The following GALNTL6 variants were observed in gnomAD, a reference collection of about 807,000 sequenced individuals.
GALNTL6 encodes polypeptide N-acetylgalactosaminyltransferase-like 6.
GALNTL6 carries 46 observed loss-of-function variants against 73.7 expected under a neutral mutation model. That is an observed-to-expected ratio of 0.62 (90% CI 0.49 to 0.80). The LOEUF (loss-of-function observed/expected upper bound fraction) is 0.80. Ranked by LOEUF, GALNTL6 falls within the 30% of genes least tolerant of loss-of-function variation. The pLI, the probability that GALNTL6 is intolerant of heterozygous loss-of-function variation, is 0.00. For synonymous variants in GALNTL6, 259 were observed against 263.7 expected (o/e 0.98, Z 0.17); for missense variants, 604 against 755.0 (o/e 0.80, Z 2.34).
At chr4:172,897,325 C>G (rs1326605373) in intron 8 of GALNTL6, among the ~76,000 whole-genome samples, 3 of 152,146 alleles carry the variant, frequency 2.0e-5, no homozygotes, top group Admixed American at 6.5e-5. Flanking sequence ...ACTGGAGAGT[C>G]TATTAGGCAG....
At chr4:172,101,846 T>G (rs1732528716) in intron 2 of GALNTL6, among the ~76,000 whole-genome samples, 1 of 152,034 alleles carries the variant, frequency 6.6e-6, no homozygotes, top group African/African-American at 2.4e-5. Flanking sequence ...CTTTTGAAAA[T>G]AATTCCTAAA....
intron 3 of GALNTL6, among the ~76,000 whole-genome samples, chr4:172,271,021 A>G (rs1738628126): frequency 6.6e-6 from 1 of 152,136 alleles, no homozygotes; most frequent in Admixed American, 6.6e-5. Context: ...AAAGACCCAG[A>G]CAGTCTGAAG....
At chr4:172,173,846 C>G (rs1734908687) in intron 2 of GALNTL6, among the ~76,000 whole-genome samples, 1 of 152,052 alleles carries the variant, frequency 6.6e-6, no homozygotes, top group African/African-American at 2.4e-5. Flanking sequence ...TTGATCACCC[C>G]AGCAATGGAA....
intron 2 of GALNTL6, among the ~76,000 whole-genome samples, chr4:171,937,447 T>A (rs1392156140): frequency 6.6e-6 from 1 of 152,164 alleles, no homozygotes; most frequent in East Asian, 1.9e-4. Flanking sequence ...AAAGTATACA[T>A]CTTTGACTAT....
intron 5 of GALNTL6, among the ~76,000 whole-genome samples, chr4:172,547,952 G>A (rs933024928): frequency 1.3e-5 from 2 of 152,152 alleles, no homozygotes; most frequent in African/African-American, 2.4e-5. Context: ...AAGCTGTACA[G>A]TTTAACAACC....
At position 172,658,868 on chromosome 4, in the gene GALNTL6, A is replaced by T. The variant is rs527911345; in HGVS notation, c.554-150493A>T. ...CCTGGTTGCATTAACTAAAGTAGAC[A>T]CGTTGGTGACAAGTCATTTCAATTC... On this transcript the variant is annotated intron_variant, in intron 5 of 12. Transcript: ENST00000506823. 7.9e-5 allele frequency among the ~76,000 whole-genome samples: 12 copies of T among 152,332 alleles called. No individual in the cohort carries two copies. In the South Asian group the frequency reaches 2.5e-3, roughly 32 times the overall value.
Position 173,012,210 on chromosome 4 carries a change from G to A in GALNTL6, c.1488+2916G>A, listed in dbSNP as rs551595034. 5.3e-5 allele frequency among the ~76,000 whole-genome samples: 8 copies of A among 152,256 alleles called. No individual in the cohort carries two copies. In the East Asian group the frequency reaches 9.6e-4, roughly 18 times the overall value. On this transcript the variant is annotated intron_variant, in intron 11 of 12. Transcript: ENST00000506823. ...GCAAGCAAGCAGTTCCCAGTAAGGC[G>A]TTACTGCCTCCTATAGCCAGATTCC...
chr4:172,814,304 A>C (rs1376273713), intron 7 of GALNTL6, among the ~76,000 whole-genome samples: 1 of 152,196 alleles, frequency 6.6e-6, no homozygotes, highest in African/African-American at 2.4e-5. Flanking sequence ...ACAGAGAAGA[A>C]TGTACAGCAA....
rs371210010 is a variant in GALNTL6, at chr4:172,247,970, G to T, written c.247+18206G>T. The stretch of plus-strand genomic sequence containing the variant: ...AATACCACTTTTAACTACTGAAAAA[G>T]AAATGCTATTTCTTTTTATGAAAGA... On this transcript the variant is annotated intron_variant, in intron 3 of 12. Transcript: ENST00000506823. Among the ~76,000 whole-genome samples the T allele has an allele frequency of 3.7e-3, 562 of 152,022 alleles. 2 individuals are homozygous for T. The highest frequency in any genetic ancestry group is 0.013 in the African/African-American group (528 of 41,470).
chr4:172,615,328 T>C (rs1239958720), intron 5 of GALNTL6, among the ~76,000 whole-genome samples: 1 of 152,142 alleles, frequency 6.6e-6, no homozygotes, highest in African/African-American at 2.4e-5. Flanking sequence ...AAAATGAATC[T>C]CTTCTGCTGT....
At chr4:172,913,366 G>A (rs1747317589) in intron 8 of GALNTL6, among the ~76,000 whole-genome samples, 1 of 152,186 alleles carries the variant, frequency 6.6e-6, no homozygotes, top group African/African-American at 2.4e-5. Flanking sequence ...GCCAGCAACA[G>A]AACAAAGCTG....
intron 2 of GALNTL6, among the ~76,000 whole-genome samples, chr4:172,225,295 A>G (rs1378556725): frequency 6.6e-6 from 1 of 152,098 alleles, no homozygotes; most frequent in East Asian, 1.9e-4. Context: ...TCATATACAA[A>G]TGCGCTGAGA....
chr4:172,208,286 C>A (rs1172110633), intron 2 of GALNTL6, among the ~76,000 whole-genome samples: 1 of 151,926 alleles, frequency 6.6e-6, no homozygotes, highest in Non-Finnish European at 1.5e-5. Flanking sequence ...TTTACTAAAT[C>A]AATTATTACT....
intron 2 of GALNTL6, among the ~76,000 whole-genome samples, chr4:171,924,219 C>T (rs867899550): frequency 1.4e-5 from 2 of 145,148 alleles, no homozygotes; most frequent in African/African-American, 2.5e-5. Flanking sequence ...CACACAAACA[C>T]ACACACACAG....
intron 2 of GALNTL6, among the ~76,000 whole-genome samples, chr4:172,214,051 A>G (rs1306772197): frequency 6.6e-6 from 1 of 152,238 alleles, no homozygotes; most frequent in African/African-American, 2.4e-5. Flanking sequence ...TTTGCTGTAC[A>G]GACTCTCCTT....
At chr4:172,199,898 C>T (rs1735899316) in intron 2 of GALNTL6, among the ~76,000 whole-genome samples, 2 of 152,196 alleles carry the variant, frequency 1.3e-5, no homozygotes, top group African/African-American at 2.4e-5. Context: ...TAGCCATATA[C>T]CTCATTTGAA....
rs190663368 is a variant in GALNTL6, at chr4:172,864,764, T to C, written c.924-18026T>C. 2.1e-4 allele frequency among the ~76,000 whole-genome samples: 32 copies of C among 152,358 alleles called. No homozygotes were observed. The East Asian group carries it at 2.3e-3, about 11-fold the overall frequency. On this transcript the variant is annotated intron_variant, in intron 7 of 12. Coordinates refer to ENST00000506823, the MANE Select transcript of GALNTL6 (RefSeq NM_001034845.3). The stretch of plus-strand genomic sequence containing the variant: ...CATATCACATATATTAGATTGGGTT[T>C]ATAGAATATTTGTTTCCTCTTTTCC...
chr4:172,212,346 A>G (rs901959167), intron 2 of GALNTL6, among the ~76,000 whole-genome samples: 4 of 151,000 alleles, frequency 2.6e-5, no homozygotes, highest in Admixed American at 6.6e-5. Context: ...ATTTTTAGTA[A>G]AGACGGGGTT....
chr4:171,953,158 G>C (rs963622542), intron 2 of GALNTL6, among the ~76,000 whole-genome samples: 1 of 151,852 alleles, frequency 6.6e-6, no homozygotes, highest in Non-Finnish European at 1.5e-5. Context: ...AGCATAGTCG[G>C]TTACCCCAAA....
Sources: gnomAD v4.1 joint callset for allele counts (sites outside exome capture counted in the v4.1 genomes callset) on GRCh38, gnomAD v4.1.1 for gene constraint, MANE v1.5 for transcripts, NCBI Gene and HGNC (gene_info 2026-07-23, HGNC 2026-07-21) for gene names.